FBLN1: variants seen among roughly 807,000 people sequenced by gnomAD.
FBLN1 encodes the protein fibulin-1.
A neutral mutation model predicts 89.7 loss-of-function variants in FBLN1; 34 were observed. That is an observed-to-expected ratio of 0.38 (90% CI 0.29 to 0.50). The LOEUF (loss-of-function observed/expected upper bound fraction) is 0.50, where lower values mean the gene tolerates loss of function less well. Among genes scored for constraint, FBLN1 ranks in the 20% least tolerant of loss-of-function variants. The probability of loss-of-function intolerance (pLI) is 0.92; values close to 1 mark genes in which losing one functional copy is unlikely to be tolerated. For synonymous variants in FBLN1, 393 were observed against 391.3 expected, an observed-to-expected ratio of 1.00 and a Z score of -0.05; for missense variants, 777 against 988.1, an observed-to-expected ratio of 0.79 and a Z score of 2.86.
intron 12 of FBLN1, among the ~76,000 whole-genome samples, 186 bp downstream of exon 12, chr22:45,547,390 T>G (rs1036095212): frequency 2.3e-5 from 3 of 132,716 alleles, no homozygotes. Flanking sequence ...ACTGAGGTTT[T>G]TTTTTTTTTT....
At chr22:45,504,807 A>G (rs2087996776) in intron 1 of FBLN1, among the ~76,000 whole-genome samples, 1 of 152,214 alleles carries the variant, frequency 6.6e-6, no homozygotes, top group Non-Finnish European at 1.5e-5. Context: ...GAAGGGTTTA[A>G]AAAAGCCTCC....
intron 3 of FBLN1, among the ~76,000 whole-genome samples, chr22:45,526,719 G>A (rs574595906): frequency 4.2e-4 from 64 of 152,326 alleles, no homozygotes; most frequent in Middle Eastern, 3.4e-3. Flanking sequence ...GCCCACCTTG[G>A]CCTGTGTGGG....
chr22:45,594,708 GGATGGATGGATGGATGGATGGATA>G (rs2089168735), intron 16 of FBLN1, among the ~76,000 whole-genome samples: 1 of 144,996 alleles, frequency 6.9e-6, no homozygotes, highest in Admixed American at 6.8e-5. Flanking sequence ...ATGGATGGAT[GGATGGATGGATGGATGGATGGATA>G]GATGGATGGG....
Position 45,556,357 on chromosome 22 carries a change from C to A in FBLN1, c.1697+5742C>A, listed in dbSNP as rs2088788106. On this transcript the variant is annotated intron_variant, in intron 14 of 16. Transcript: ENST00000327858. This position sits in a 1 kb window ranked among gnomAD's most constrained non-coding sequence, Gnocchi z 4.6. Reference sequence around the variant, plus strand: ...TACAGTCCTCGTTTCTGCAACTGGTCACATGGCTCGTAGCTGGTATTGATG... The same window carrying A: ...TACAGTCCTCGTTTCTGCAACTGGTAACATGGCTCGTAGCTGGTATTGATG... 6.6e-6 allele frequency among the ~76,000 whole-genome samples: 1 copy of A among 152,204 alleles called. No homozygotes were observed. The highest frequency in any genetic ancestry group is 1.5e-5 in the Non-Finnish European group (1 of 68,042).
chr22:45,591,802 C>G (rs891413665), intron 16 of FBLN1, among the ~76,000 whole-genome samples: 1 of 91,190 alleles, frequency 1.1e-5, no homozygotes, highest in Non-Finnish European at 2.0e-5. Context: ...ATTTTGCAGA[C>G]AGGAGGGAGG....
At position 45,574,419 on chromosome 22, in the gene FBLN1, TG is replaced by T; in HGVS notation, c.1698-90del. The T allele has an allele frequency of 7.0e-7, 1 of 1,422,022 alleles. No individual in the cohort carries two copies. Among genetic ancestry groups the T allele is most frequent in the Non-Finnish European group, 9.8e-7 (1 of 1,017,148 alleles). The allele number at this position is 1,422,022 out of a possible 1,614,324, so 88.1% of individuals were successfully genotyped here. ...GTCTCTGGGACAGATGCCCCTGCCC[TG>T]GCCACCTGCTCCTCCTCCCTAGACC... On this transcript the variant is annotated intron_variant, in intron 14 of 16. Coordinates refer to ENST00000327858, the MANE Select transcript of FBLN1 (RefSeq NM_006486.3). This position sits in a 1 kb window ranked among gnomAD's most constrained non-coding sequence, Gnocchi z 4.1.
chr22:45,593,965 G>A (rs1473324788), intron 16 of FBLN1, among the ~76,000 whole-genome samples: 3 of 152,200 alleles, frequency 2.0e-5, no homozygotes, highest in Non-Finnish European at 4.4e-5. Context: ...CCCCTGCAAT[G>A]AGCAGGTGCA....
chr22:45,591,376 A>C (rs1214006170), intron 16 of FBLN1, among the ~76,000 whole-genome samples: 1 of 152,058 alleles, frequency 6.6e-6, no homozygotes, highest in African/African-American at 2.4e-5. Flanking sequence ...TTTAGTCCAA[A>C]GCTGACATTT....
chr22:45,584,781 G>A (rs978576073), intron 16 of FBLN1, among the ~76,000 whole-genome samples: 5 of 152,214 alleles, frequency 3.3e-5, no homozygotes, highest in African/African-American at 4.8e-5. Context: ...GGCCAGGACC[G>A]TCCAGCCCAA....
At chr22:45,560,068 C>A (rs1388272395) in intron 14 of FBLN1, among the ~76,000 whole-genome samples, 1 of 152,180 alleles carries the variant, frequency 6.6e-6, no homozygotes, top group Non-Finnish European at 1.5e-5. Context: ...ATCAATTTCA[C>A]TTCTAGGAAC....
At chr22:45,519,349 G>A (rs184580211) in intron 2 of FBLN1, among the ~76,000 whole-genome samples, 236 of 152,212 alleles carry the variant, frequency 1.6e-3, no homozygotes, top group African/African-American at 5.1e-3. Flanking sequence ...AGCCGGGCGC[G>A]GTGGCTCACG....
Position 45,502,903 on chromosome 22 carries a change from C to A in FBLN1, c.-83C>A. 1 of 500,964 alleles carries A rather than the reference C, an allele frequency of 2.0e-6. No homozygotes were observed. Among genetic ancestry groups the A allele is most frequent in the Non-Finnish European group, 2.6e-6 (1 of 380,496 alleles). The allele number at this position is 500,964 out of a possible 1,614,324, so 31.0% of individuals were successfully genotyped here. A position where few individuals can be genotyped will look rare whatever the true frequency, so the allele number is the denominator to read the frequency against. On this transcript the variant is annotated 5_prime_UTR_variant, in exon 1 of 17. Transcript: ENST00000327858. ...CCAGCGTTGGCTGCCGAGGCTCGGCCGGAGCGTGGAGCCCGCGCCGCTGCC... is the reference window on the plus strand; with the variant it reads ...CCAGCGTTGGCTGCCGAGGCTCGGCAGGAGCGTGGAGCCCGCGCCGCTGCC...
In FBLN1 at chr22:45,579,026, G is replaced by A. The variant is rs2089021609; in HGVS notation, c.1972+1918G>A. On this transcript the variant is annotated intron_variant, in intron 16 of 16. Coordinates refer to ENST00000327858, the MANE Select transcript of FBLN1 (RefSeq NM_006486.3). This position sits in a 1 kb window ranked among gnomAD's most constrained non-coding sequence, Gnocchi z 5.5. ...AGACAGGCCTTGATGGCCTGTGGAG[G>A]CTCTCTTAGGGGAAGTCTCCTGGCA... is the stretch of plus-strand genomic sequence containing the variant. 6.6e-6 allele frequency among the ~76,000 whole-genome samples: 1 copy of A among 152,234 alleles called. No homozygotes were observed. Among genetic ancestry groups the A allele is most frequent in the Non-Finnish European group, 1.5e-5 (1 of 68,036 alleles).
chr22:45,553,996 CGTGCTTGTGTGT>C (rs2088742123), intron 14 of FBLN1, among the ~76,000 whole-genome samples: 1 of 152,160 alleles, frequency 6.6e-6, no homozygotes, highest in Admixed American at 6.5e-5. Flanking sequence ...TGCGTGTGCG[CGTGCTTGTGTGT>C]GTGCATACAT....
In FBLN1 at chr22:45,561,377, C is replaced by G. The variant is rs1015733709; in HGVS notation, c.1697+10762C>G. On this transcript the variant is annotated intron_variant, in intron 14 of 16. Transcript: ENST00000327858. This position sits in a 1 kb window ranked among gnomAD's most constrained non-coding sequence, Gnocchi z 4.7. ...TTCTTTCATCACTTTGTCCACTAAA[C>G]TTAGGAGCAACCAACCAGCTTCATT... 1.3e-5 allele frequency among the ~76,000 whole-genome samples: 2 copies of G among 152,208 alleles called. No individual in the cohort carries two copies. The highest frequency in any genetic ancestry group is 4.8e-5 in the African/African-American group (2 of 41,462).
At chr22:45,523,697 C>G (rs911215661) in intron 2 of FBLN1, among the ~76,000 whole-genome samples, 1 of 152,184 alleles carries the variant, frequency 6.6e-6, no homozygotes, top group African/African-American at 2.4e-5. Context: ...GAGCAAGACT[C>G]CATCTCAAAA....
Position 45,504,386 on chromosome 22 carries a change from G to A in FBLN1, c.79+1322G>A, listed in dbSNP as rs559577461. Among the ~76,000 whole-genome samples, 684 of 152,240 alleles carry A rather than the reference G, an allele frequency of 4.5e-3. 6 individuals carry two copies. The highest frequency in any genetic ancestry group is 3.4e-3 in the Non-Finnish European group (234 of 68,020). On this transcript the variant is annotated intron_variant, in intron 1 of 16. Transcript: ENST00000327858. Reference sequence around the variant, plus strand: ...GGCGCAGAGCTCAGTGTTGGCACCAGGAGCCTTCGCAGCCCCTGGGGGCTC... The same window carrying A: ...GGCGCAGAGCTCAGTGTTGGCACCAAGAGCCTTCGCAGCCCCTGGGGGCTC...
At chr22:45,584,051 AG>A (rs2089064619) in intron 16 of FBLN1, among the ~76,000 whole-genome samples, 1 of 152,192 alleles carries the variant, frequency 6.6e-6, no homozygotes, top group Non-Finnish European at 1.5e-5. Context: ...TGGTGGTATA[AG>A]GCAGTCCTCT....
chr22:45,564,843 G>A (rs753340772), intron 14 of FBLN1: 8 of 1,612,110 alleles, frequency 5.0e-6, no homozygotes, highest in Non-Finnish European at 6.8e-6. Context: ...TATGTCACTA[G>A]CATTTCTGTG....
Sources: allele counts gnomAD v4.1 joint callset (sites outside exome capture counted in the v4.1 genomes callset), GRCh38; gene constraint gnomAD v4.1.1; non-coding constraint Gnocchi (gnomAD v3.1); transcripts MANE v1.5; gene names NCBI Gene and HGNC (gene_info 2026-07-23, HGNC 2026-07-21).